GRK3: variants seen among roughly 807,000 people sequenced by gnomAD.
The protein encoded by GRK3 is G protein-coupled receptor kinase 3.
GRK3 carries 54 observed loss-of-function variants against 95.7 expected under a neutral mutation model. That is an observed-to-expected ratio of 0.56 (90% CI 0.45 to 0.71). The LOEUF is 0.71. GRK3 is among the 30% of genes least tolerant of loss of function. GRK3 has a pLI of 0.00. For missense variants in GRK3, 649 were observed against 851.2 expected (o/e 0.76, Z 2.96); for synonymous variants, 281 against 290.8 (o/e 0.97, Z 0.34).
chr22:25,693,932 C>T (rs1027972551), intron 12 of GRK3, among the ~76,000 whole-genome samples: 4 of 152,110 alleles, frequency 2.6e-5, no homozygotes, highest in South Asian at 4.1e-4. Flanking sequence ...ACTGGGATTA[C>T]AGGCATGCGC....
At chr22:25,625,709 C>T (rs2084622779) in intron 2 of GRK3, among the ~76,000 whole-genome samples, 1 of 152,208 alleles carries the variant, frequency 6.6e-6, no homozygotes, top group South Asian at 2.1e-4. Flanking sequence ...AGTCTGCCTT[C>T]ATGTTTCATC....
intron 13 of GRK3, among the ~76,000 whole-genome samples, chr22:25,696,982 G>A (rs1345732225): frequency 6.6e-6 from 1 of 152,316 alleles, no homozygotes; most frequent in Non-Finnish European, 1.5e-5. Flanking sequence ...CAGTGGAGTC[G>A]CTTCTATGCA....
At chr22:25,719,549 T>G (rs958319060) in intron 19 of GRK3, among the ~76,000 whole-genome samples, 7 of 152,086 alleles carry the variant, frequency 4.6e-5, no homozygotes, top group African/African-American at 1.7e-4. Context: ...CTAATGTTTG[T>G]GAACAAGATA....
Position 25,661,670 on chromosome 22 carries a change from G to T in GRK3, c.359G>T (p.Cys120Phe). 6.2e-7 allele frequency: 1 copy of T among 1,600,084 alleles called. No homozygotes were observed. The highest frequency in any genetic ancestry group is 8.6e-7 in the Non-Finnish European group (1 of 1,168,426). The part of the protein sequence containing the change: ...DAYIMKELLS[C>F]SHPFSKQAVE... ...TACATCATGAAGGAACTTCTTTCCT[G>T]TTCACATGTAAGTATTTCTTCTTAC... The change falls in exon 4 of 21, where the codon TGT (cysteine) becomes TTT (phenylalanine). Residue 120 changes from cysteine to phenylalanine, a missense_variant. Transcript: ENST00000324198.
chr22:25,674,365 G>T, intron 7 of GRK3, 72 bp from the exon 8 acceptor site: 2 of 1,214,562 alleles, frequency 1.6e-6, no homozygotes, highest in Non-Finnish European at 2.4e-6. Flanking sequence ...TCTATGTTTT[G>T]CATGAAAAAA....
chr22:25,688,129 A>C (rs184030105), intron 11 of GRK3, among the ~76,000 whole-genome samples: 3 of 151,080 alleles, frequency 2.0e-5, no homozygotes, highest in Non-Finnish European at 4.4e-5. Context: ...CCAGCTACTC[A>C]GGAGGCTGAG....
rs2084756426 is a variant in GRK3 at position 25,643,268 on chromosome 22, G to A, written c.191-1324G>A. Among the ~76,000 whole-genome samples the A allele has an allele frequency of 2.0e-5, 3 of 152,174 alleles. No homozygotes were observed. The South Asian group carries it at 6.2e-4, about 32-fold the overall frequency. On this transcript the variant is annotated intron_variant, in intron 2 of 20. Transcript: ENST00000324198. ...ATGGGAGGAGCGTGGCTGTGCTCCTGCTGCAGGTGTGCGCCTGACCCTGGT... is the reference window on the plus strand; with the variant it reads ...ATGGGAGGAGCGTGGCTGTGCTCCTACTGCAGGTGTGCGCCTGACCCTGGT...
chr22:25,707,943 G>A (rs535081470), intron 15 of GRK3, among the ~76,000 whole-genome samples: 10 of 152,094 alleles, frequency 6.6e-5, no homozygotes, highest in Admixed American at 3.9e-4. Context: ...TCCTGAGCAG[G>A]AATCACCACC....
chr22:25,696,656 T>C (rs1030569648), intron 13 of GRK3, among the ~76,000 whole-genome samples: 9 of 152,214 alleles, frequency 5.9e-5, no homozygotes, highest in Admixed American at 5.9e-4. Flanking sequence ...AGAGCCTAAC[T>C]GAGCACCACT....
chr22:25,657,511 A>T (rs75672062), intron 3 of GRK3, among the ~76,000 whole-genome samples: 1 of 152,080 alleles, frequency 6.6e-6, no homozygotes, highest in South Asian at 2.1e-4. Context: ...TACTATTTTC[A>T]TGAGGTATCT....
At chr22:25,566,145 C>A (rs1931472516) in intron 1 of GRK3, among the ~76,000 whole-genome samples, 3 of 152,088 alleles carry the variant, frequency 2.0e-5, no homozygotes, top group African/African-American at 7.2e-5. Context: ...TCTCTAGCTC[C>A]TTTCCTAATT....
intron 5 of GRK3, among the ~76,000 whole-genome samples, chr22:25,664,504 G>GTTGACT (rs2146404232): frequency 6.7e-6 from 1 of 149,670 alleles, no homozygotes; most frequent in East Asian, 2.0e-4. Flanking sequence ...AGGGAGGTAA[G>GTTGACT]TTGACTTTGG....
At chr22:25,685,324 G>A (rs942311874) in intron 10 of GRK3, 76 bp downstream of exon 10, 6 of 1,119,348 alleles carry the variant, frequency 5.4e-6, no homozygotes, top group Non-Finnish European at 8.2e-6. Flanking sequence ...CATTAATCTA[G>A]GCAGACTGGC....
intron 13 of GRK3, among the ~76,000 whole-genome samples, chr22:25,701,216 AGC>A (rs2085256537): frequency 1.3e-5 from 2 of 152,180 alleles, no homozygotes; most frequent in African/African-American, 4.8e-5. Context: ...TCCTATTTAA[AGC>A]GGCTGCATCA....
intron 15 of GRK3, among the ~76,000 whole-genome samples, chr22:25,707,741 A>G (rs2085311047): frequency 6.6e-6 from 1 of 152,212 alleles, no homozygotes; most frequent in Admixed American, 6.5e-5. Flanking sequence ...TTTTGAGCAG[A>G]GGAGTGGTGA....
At chr22:25,599,013 GACAAAA>G (rs1164666844) in intron 1 of GRK3, among the ~76,000 whole-genome samples, 1 of 151,942 alleles carries the variant, frequency 6.6e-6, no homozygotes, top group East Asian at 1.9e-4. Flanking sequence ...CAAAAACAAA[GACAAAA>G]ACAAACCAAA....
At chr22:25,623,816 T>A (rs1569168307) in intron 2 of GRK3, among the ~76,000 whole-genome samples, 1 of 152,312 alleles carries the variant, frequency 6.6e-6, no homozygotes, top group Middle Eastern at 3.4e-3. Context: ...ACAGCCACTT[T>A]AATTATGCCA....
intron 2 of GRK3, among the ~76,000 whole-genome samples, chr22:25,628,705 A>G (rs1219614599): frequency 6.6e-6 from 1 of 152,240 alleles, no homozygotes; most frequent in Non-Finnish European, 1.5e-5. Context: ...CAGGGACTGT[A>G]CACAGGGAAT....
At chr22:25,672,174 AAACTT>A (rs1341428163) in intron 6 of GRK3, 117 bp from the exon 7 acceptor site, 6 of 560,684 alleles carry the variant, frequency 1.1e-5, no homozygotes, top group Middle Eastern at 4.8e-4. Context: ...GGGTTTCAGA[AAACTT>A]AACTTTATTT....
Sources: gnomAD v4.1 joint callset for allele counts (sites outside exome capture counted in the v4.1 genomes callset) on GRCh38, gnomAD v4.1.1 for gene constraint, MANE v1.5 for transcripts, NCBI Gene and HGNC (gene_info 2026-07-23, HGNC 2026-07-21) for gene names.